The following RPS6KA5 variants were observed in gnomAD, a reference collection of about 807,000 sequenced individuals.
The protein encoded by RPS6KA5 is ribosomal protein S6 kinase A5, also known as ribosomal protein S6 kinase alpha-5.
Under a neutral mutation model 85.5 loss-of-function variants are expected in RPS6KA5, and 27 were observed. That is an observed-to-expected ratio of 0.32 (90% CI 0.23 to 0.44). The LOEUF (loss-of-function observed/expected upper bound fraction) is 0.44, where lower values mean the gene tolerates loss of function less well. Among genes scored for constraint, RPS6KA5 ranks in the 20% least tolerant of loss-of-function variants. RPS6KA5 has a pLI of 1.00. For missense variants in RPS6KA5, 811 were observed against 980.9 expected (o/e 0.83, Z 2.31); for synonymous variants, 334 against 348.2 (o/e 0.96, Z 0.46).
chr14:90,983,791 C>CTT (rs1566825780), intron 2 of RPS6KA5, among the ~76,000 whole-genome samples: 5 of 97,260 alleles, frequency 5.1e-5, no homozygotes, highest in Admixed American at 1.1e-4. Flanking sequence ...CTTTCTTTCT[C>CTT]TCTCTCTCTC....
chr14:91,055,992 A>G (rs540656979), intron 1 of RPS6KA5, among the ~76,000 whole-genome samples: 1 of 152,306 alleles, frequency 6.6e-6, no homozygotes, highest in South Asian at 2.1e-4. Flanking sequence ...GTCCTGGCCA[A>G]CACCTTGACT....
At chr14:90,915,888 T>A (rs1421211062) in intron 7 of RPS6KA5, among the ~76,000 whole-genome samples, 1 of 151,848 alleles carries the variant, frequency 6.6e-6, no homozygotes, top group Non-Finnish European at 1.5e-5. Flanking sequence ...CACATGTACA[T>A]GTATTTTAAA....
At chr14:91,044,679 T>C (rs1357010025) in intron 1 of RPS6KA5, among the ~76,000 whole-genome samples, 16 of 152,000 alleles carry the variant, frequency 1.1e-4, no homozygotes, top group Admixed American at 1.0e-3. Context: ...CGAACCAGCC[T>C]GGCCAACATG....
chr14:90,883,913 G>A (rs773095091), intron 14 of RPS6KA5, among the ~76,000 whole-genome samples: 5 of 152,200 alleles, frequency 3.3e-5, no homozygotes, highest in Admixed American at 6.5e-5. Flanking sequence ...CTTTGCCTGG[G>A]CATGCCTGGT....
intron 1 of RPS6KA5, among the ~76,000 whole-genome samples, chr14:91,020,971 G>A (rs114624884): frequency 0.023 from 3,466 of 152,044 alleles, 100 homozygotes; most frequent in African/African-American, 0.066. Context: ...ATCCAAACCC[G>A]AAGCATACAA....
At chr14:91,043,781 TA>T (rs2042691067) in intron 1 of RPS6KA5, among the ~76,000 whole-genome samples, 2 of 152,204 alleles carry the variant, frequency 1.3e-5, no homozygotes, top group Admixed American at 1.3e-4. Flanking sequence ...CTGTGACTTC[TA>T]AGGAGGAATT....
intron 10 of RPS6KA5, 45 bp from the exon 11 acceptor site, chr14:90,900,286 TACAC>T: frequency 7.1e-7 from 1 of 1,414,018 alleles, no homozygotes. Flanking sequence ...ATGTCAGTAA[TACAC>T]AAAGGATCAA....
chr14:90,989,927 C>T (rs1566833609), intron 2 of RPS6KA5, among the ~76,000 whole-genome samples: 1 of 151,982 alleles, frequency 6.6e-6, no homozygotes, highest in Non-Finnish European at 1.5e-5. Flanking sequence ...AGCTTACAAT[C>T]CAGAGGAAAG....
chr14:90,983,775 TTC>T lies in RPS6KA5; in HGVS notation c.176-5253_176-5252del, dbSNP rs199609650. 9.3e-3 allele frequency among the ~76,000 whole-genome samples: 1,337 copies of T among 144,302 alleles called. 56 individuals are homozygous for T. The highest frequency in any genetic ancestry group is 0.071 in the Admixed American group (1,000 of 14,162). 94.7% of individuals were successfully genotyped at this position (144,302 alleles called of 152,430 possible). On this transcript the variant is annotated intron_variant, in intron 2 of 16. Coordinates refer to ENST00000614987, the MANE Select transcript of RPS6KA5 (RefSeq NM_004755.4). ...TCTAAACACACTTTCTTTCTTTCCTTTCTTTCTTTCTTTCTCTCTCTCTCTCT... is the reference window on the plus strand; with the variant it reads ...TCTAAACACACTTTCTTTCTTTCCTTTTTCTTTCTTTCTCTCTCTCTCTCT...
At position 90,852,149 on chromosome 14, in the gene RPS6KA5, G is replaced by T. The variant is rs2032032126; in HGVS notation, c.*19925C>A. 1 of 139,178 alleles carries T rather than the reference G, an allele frequency of 7.2e-6. No individual in the cohort carries two copies. The highest frequency in any genetic ancestry group is 2.7e-5 in the African/African-American group (1 of 37,652). 8.6% of individuals were successfully genotyped at this position (139,178 alleles called of 1,614,324 possible). On this transcript the variant is annotated 3_prime_UTR_variant, in exon 17 of 17. Coordinates refer to ENST00000614987, the MANE Select transcript of RPS6KA5 (RefSeq NM_004755.4). ...CTGTCGCCCAGGCTGGAGTGCAGTG[G>T]TGTGGTGCGATCTTGGCTCACTGCA...
chr14:91,032,100 C>G (rs2042209208), intron 1 of RPS6KA5, among the ~76,000 whole-genome samples: 1 of 152,168 alleles, frequency 6.6e-6, no homozygotes, highest in Middle Eastern at 3.2e-3. Flanking sequence ...TTGGGAAGCT[C>G]AATATCTGAT....
At chr14:90,968,558 TCCATGATAACA>T (rs2140444974) in intron 3 of RPS6KA5, among the ~76,000 whole-genome samples, 1 of 152,098 alleles carries the variant, frequency 6.6e-6, no homozygotes, top group South Asian at 2.1e-4. Context: ...AACTTCTACC[TCCATGATAACA>T]CCATAACTTA....
At chr14:90,912,590 C>T (rs563344597) in intron 7 of RPS6KA5, among the ~76,000 whole-genome samples, 17 of 152,278 alleles carry the variant, frequency 1.1e-4, no homozygotes, top group East Asian at 5.8e-4. Context: ...TGGCACACAG[C>T]GGTCCCCAGG....
Position 90,850,856 on chromosome 14 carries a change from C to T in RPS6KA5, c.*21218G>A, listed in dbSNP as rs2031965560. The stretch of plus-strand genomic sequence containing the variant: ...ATGAAGTCAATTCAAATAAGACATT[C>T]TACAAATTAGCCAAGCACAATGATA... On this transcript the variant is annotated 3_prime_UTR_variant, in exon 17 of 17. Transcript: ENST00000614987. The T allele has an allele frequency of 6.6e-6, 1 of 152,190 alleles. No homozygotes were observed. Among genetic ancestry groups the T allele is most frequent in the Non-Finnish European group, 1.5e-5 (1 of 68,040 alleles). The allele number at this position is 152,190 out of a possible 1,614,324, so 9.4% of individuals were successfully genotyped here. A position where few individuals can be genotyped will look rare whatever the true frequency, so the allele number is the denominator to read the frequency against.
intron 14 of RPS6KA5, 109 bp downstream of exon 14, chr14:90,890,378 C>T: frequency 1.1e-6 from 1 of 932,326 alleles, no homozygotes; most frequent in South Asian, 3.2e-5. Context: ...AGAAAAGAAA[C>T]CACTTTGCCA....
intron 1 of RPS6KA5, among the ~76,000 whole-genome samples, chr14:91,023,218 A>G (rs2041858869): frequency 6.6e-6 from 1 of 151,840 alleles, no homozygotes. Flanking sequence ...TTTGGATGAA[A>G]TTCATTGTCT....
chr14:90,900,431 A>T (rs2140228399), intron 10 of RPS6KA5, among the ~76,000 whole-genome samples, 180 bp downstream of exon 10: 2 of 152,338 alleles, frequency 1.3e-5, no homozygotes, highest in South Asian at 4.1e-4. Context: ...ATAATTCTCT[A>T]TAATTGTAAA....
At chr14:90,902,658 A>C (rs932816902) in intron 9 of RPS6KA5, 150 bp downstream of exon 9, 5 of 601,720 alleles carry the variant, frequency 8.3e-6, no homozygotes, top group Non-Finnish European at 1.1e-5. Context: ...TTCGGTTAAC[A>C]ATGTGCAATA....
chr14:90,936,381 T>C (rs1402303420), intron 5 of RPS6KA5, among the ~76,000 whole-genome samples: 2 of 151,960 alleles, frequency 1.3e-5, no homozygotes, highest in South Asian at 2.1e-4. Flanking sequence ...CTGGGCAACA[T>C]GGTGAAACCT....
Sources: gnomAD v4.1 joint callset for allele counts (sites outside exome capture counted in the v4.1 genomes callset) on GRCh38, gnomAD v4.1.1 for gene constraint, MANE v1.5 for transcripts, NCBI Gene and HGNC (gene_info 2026-07-23, HGNC 2026-07-21) for gene names.